Variants in PTPRD observed in about 807,000 individuals in gnomAD.
The protein encoded by PTPRD is receptor-type tyrosine-protein phosphatase delta.
In PTPRD, 34 loss-of-function variants were observed where a neutral mutation model predicts 214.5. The ratio of observed to expected loss-of-function variants is 0.16; its 90% CI spans 0.12 to 0.21. PTPRD has a LOEUF of 0.21. PTPRD is among the 10% of genes least tolerant of loss of function. The pLI is 1.00. For missense variants in PTPRD, 2,545 were observed against 2,398.7 expected (o/e 1.06, Z -1.27); for synonymous variants, 1,128 against 845.7 (o/e 1.33, Z -5.79).
chr9:9,850,467 A>T (rs1232054477), intron 5 of PTPRD, among the ~76,000 whole-genome samples: 2 of 152,152 alleles, frequency 1.3e-5, no homozygotes, highest in African/African-American at 4.8e-5. Flanking sequence ...CATTTTCTGG[A>T]GTCATGTGAT....
At chr9:8,508,278 G>C (rs2097581490) in intron 21 of PTPRD, among the ~76,000 whole-genome samples, 2 of 152,192 alleles carry the variant, frequency 1.3e-5, no homozygotes, top group African/African-American at 4.8e-5. Context: ...AGTCTATTCA[G>C]TTTAAAACAC....
At chr9:9,617,957 T>C (rs1013177476) in intron 7 of PTPRD, among the ~76,000 whole-genome samples, 1 of 150,072 alleles carries the variant, frequency 6.7e-6, no homozygotes, top group African/African-American at 2.4e-5. Flanking sequence ...CTGCGGTCCC[T>C]GCTACTCGGG....
At chr9:8,876,245 A>G (rs978283790) in intron 11 of PTPRD, among the ~76,000 whole-genome samples, 1 of 85,756 alleles carries the variant, frequency 1.2e-5, no homozygotes, top group Non-Finnish European at 2.7e-5. Flanking sequence ...GTTGTTGTTT[A>G]AACAGCTCAT....
chr9:8,899,543 A>C (rs2154250160), intron 11 of PTPRD, among the ~76,000 whole-genome samples: 1 of 152,168 alleles, frequency 6.6e-6, no homozygotes, highest in East Asian at 1.9e-4. Context: ...AAAGTGCACT[A>C]AACAGATTGT....
chr9:10,219,749 T>C (rs540033199), intron 3 of PTPRD, among the ~76,000 whole-genome samples: 2 of 151,908 alleles, frequency 1.3e-5, no homozygotes, highest in Non-Finnish European at 2.9e-5. Flanking sequence ...GAACTTAATA[T>C]CCTTACCACA....
chr9:9,314,673 T>C (rs1047706289), intron 9 of PTPRD, among the ~76,000 whole-genome samples: 4 of 152,050 alleles, frequency 2.6e-5, no homozygotes, highest in African/African-American at 7.2e-5. Context: ...TGAAAGAATA[T>C]AAATGCAATG....
chr9:10,141,495 T>A (rs1049027813), intron 3 of PTPRD, among the ~76,000 whole-genome samples: 1 of 152,082 alleles, frequency 6.6e-6, no homozygotes, highest in Non-Finnish European at 1.5e-5. Flanking sequence ...TGAACTCCCA[T>A]TCACAATTGC....
intron 2 of PTPRD, among the ~76,000 whole-genome samples, chr9:10,536,921 G>C (rs1027605017): frequency 2.6e-5 from 4 of 152,010 alleles, no homozygotes; most frequent in African/African-American, 9.7e-5. Context: ...TTTCACCTAA[G>C]CCAGCAACTA....
At chr9:8,934,209 G>T (rs1482977376) in intron 11 of PTPRD, among the ~76,000 whole-genome samples, 1 of 150,876 alleles carries the variant, frequency 6.6e-6, no homozygotes, top group Non-Finnish European at 1.5e-5. Context: ...AGAATGGAAA[G>T]ATAGGAAGTG....
chr9:9,195,441 G>A (rs1045526852), intron 9 of PTPRD, among the ~76,000 whole-genome samples: 2 of 152,056 alleles, frequency 1.3e-5, no homozygotes, highest in Non-Finnish European at 2.9e-5. Flanking sequence ...AGGCCAATTG[G>A]TCATATCCGT....
chr9:9,976,689 CAAA>C lies in PTPRD; in HGVS notation c.-471-38082_-471-38080del, dbSNP rs869096131. ...GGTGTGAGCCACTACACCCTGCCACCAAAAAAAAAAAAAAAAAAAAAAATTTAC... is the reference window on the plus strand; with the variant it reads ...GGTGTGAGCCACTACACCCTGCCACCAAAAAAAAAAAAAAAAAAAATTTAC... On this transcript the variant is annotated intron_variant, in intron 4 of 45. Coordinates refer to ENST00000381196, the MANE Select transcript of PTPRD (RefSeq NM_002839.4). Among the ~76,000 whole-genome samples the C allele has an allele frequency of 1.5e-3, 98 of 63,246 alleles. 1 individual carries two copies. The East Asian group carries it at 0.036, about 23-fold the overall frequency. The allele number at this position is 63,246 out of a possible 152,430, so 41.5% of individuals were successfully genotyped here.
intron 35 of PTPRD, among the ~76,000 whole-genome samples, chr9:8,420,346 A>G (rs2094268521): frequency 6.6e-6 from 1 of 152,204 alleles, no homozygotes; most frequent in Non-Finnish European, 1.5e-5. Context: ...AGGAGCATTC[A>G]TGATCTTGAA....
intron 8 of PTPRD, among the ~76,000 whole-genome samples, chr9:9,446,047 CATTT>C (rs1039746875): frequency 1.3e-5 from 2 of 152,068 alleles, no homozygotes; most frequent in Admixed American, 6.6e-5. Flanking sequence ...TTTTTTAATT[CATTT>C]GTTTTGGATA....
At chr9:8,763,678 A>G (rs1352111181) in intron 11 of PTPRD, among the ~76,000 whole-genome samples, 1 of 151,116 alleles carries the variant, frequency 6.6e-6, no homozygotes, top group Non-Finnish European at 1.5e-5. Context: ...CCTAAAACAA[A>G]AAAAAAAAAG....
At chr9:9,955,975 G>A (rs887559585) in intron 4 of PTPRD, among the ~76,000 whole-genome samples, 1 of 152,004 alleles carries the variant, frequency 6.6e-6, no homozygotes, top group South Asian at 2.1e-4. Context: ...GTGGTGGGGG[G>A]GATCTAAAAT....
chr9:9,911,439 G>A (rs1289745219), intron 5 of PTPRD, among the ~76,000 whole-genome samples: 3 of 151,996 alleles, frequency 2.0e-5, no homozygotes, highest in East Asian at 1.9e-4. Flanking sequence ...AAATACACAC[G>A]AACCTCATGT....
chr9:9,591,113 T>C (rs549987609), intron 7 of PTPRD, among the ~76,000 whole-genome samples: 1 of 152,072 alleles, frequency 6.6e-6, no homozygotes, highest in Non-Finnish European at 1.5e-5. Context: ...AATAGGAGGA[T>C]TGTCTGGGTA....
chr9:8,720,846 G>C (rs760130542), intron 12 of PTPRD, among the ~76,000 whole-genome samples: 1 of 152,042 alleles, frequency 6.6e-6, no homozygotes, highest in African/African-American at 2.4e-5. Flanking sequence ...AATGAACCTG[G>C]ATAACTCTGG....
intron 11 of PTPRD, among the ~76,000 whole-genome samples, chr9:8,845,206 G>A (rs1601685070): frequency 6.6e-6 from 1 of 151,452 alleles, no homozygotes; most frequent in South Asian, 2.1e-4. Flanking sequence ...ACAATTCTGT[G>A]TTCCTCTGAG....
Sources: gnomAD v4.1 joint callset for allele counts (sites outside exome capture counted in the v4.1 genomes callset) on GRCh38, gnomAD v4.1.1 for gene constraint, MANE v1.5 for transcripts, NCBI Gene and HGNC (gene_info 2026-07-23, HGNC 2026-07-21) for gene names.